ALG8: variants seen among roughly 807,000 people sequenced by gnomAD.
ALG8 encodes the protein dolichyl pyrophosphate Glc1Man9GlcNAc2 alpha-1,3-glucosyltransferase.
ALG8 carries 48 observed loss-of-function variants against 70.2 expected under a neutral mutation model. That is an observed-to-expected ratio of 0.68 (90% CI 0.54 to 0.87). ALG8 has a LOEUF of 0.87. Among genes scored for constraint, ALG8 ranks in the 40% least tolerant of loss-of-function variants. ALG8 has a pLI of 0.00. For missense variants in ALG8, 572 were observed against 608.7 expected (o/e 0.94, Z 0.64); for synonymous variants, 234 against 229.0 (o/e 1.02, Z -0.20).
chr11:78,129,518 G>A (rs977530164), intron 1 of ALG8, among the ~76,000 whole-genome samples: 1 of 152,146 alleles, frequency 6.6e-6, no homozygotes, highest in African/African-American at 2.4e-5. Context: ...AAATTGTGGT[G>A]TTTTCACACA....
intron 9 of ALG8, among the ~76,000 whole-genome samples, chr11:78,108,122 CAAA>C (rs1402294874): frequency 6.6e-6 from 1 of 151,438 alleles, no homozygotes; most frequent in Non-Finnish European, 1.5e-5. Flanking sequence ...TACTAAAATA[CAAA>C]AAAAATTAGC....
At position 78,138,211 on chromosome 11, in the gene ALG8, C is replaced by T. The variant is rs1861628199; in HGVS notation, c.95+1283G>A. 2.0e-5 allele frequency among the ~76,000 whole-genome samples: 3 copies of T among 151,780 alleles called. No homozygotes were observed. In the South Asian group the frequency reaches 6.2e-4, roughly 32 times the overall value. On this transcript the variant is annotated intron_variant, in intron 1 of 12. Coordinates refer to ENST00000299626, the MANE Select transcript of ALG8 (RefSeq NM_024079.5). ...TAAAAATACAAAAATTAGCCTGGCG[C>T]GGTGGTGCAAGCCTGTAATCCCAGC...
At chr11:78,126,450 T>G (rs1052598821) in intron 2 of ALG8, among the ~76,000 whole-genome samples, 1 of 149,518 alleles carries the variant, frequency 6.7e-6, no homozygotes, top group Non-Finnish European at 1.5e-5. Flanking sequence ...GAGAATCGCT[T>G]GAACCCGGGA....
At chr11:78,136,374 A>T (rs759538035) in intron 1 of ALG8, among the ~76,000 whole-genome samples, 100 of 151,730 alleles carry the variant, frequency 6.6e-4, no homozygotes, top group South Asian at 1.9e-3. Context: ...TAATAGAGAG[A>T]GAAAGGAAAA....
chr11:78,117,009 T>C (rs543956540), intron 5 of ALG8, among the ~76,000 whole-genome samples: 94 of 152,320 alleles, frequency 6.2e-4, no homozygotes, highest in Non-Finnish European at 1.2e-3. Flanking sequence ...CAACAAATAT[T>C]CATTGAACAC....
At chr11:78,114,508 G>A in intron 5 of ALG8, 116 bp from the exon 6 acceptor site, 1 of 1,259,686 alleles carries the variant, frequency 7.9e-7, no homozygotes, top group East Asian at 2.5e-5. Context: ...AAAAACGGGT[G>A]AAATTCAAAT....
intron 1 of ALG8, among the ~76,000 whole-genome samples, chr11:78,131,872 G>C (rs1319470652): frequency 6.6e-6 from 1 of 152,160 alleles, no homozygotes; most frequent in Non-Finnish European, 1.5e-5. Context: ...CATTAATCTA[G>C]CTTTCACATT....
chr11:78,115,770 T>G (rs1268938728), intron 5 of ALG8, among the ~76,000 whole-genome samples: 1 of 152,202 alleles, frequency 6.6e-6, no homozygotes, highest in African/African-American at 2.4e-5. Context: ...TATGCTGAGA[T>G]CATATCCTAC....
At position 78,112,706 on chromosome 11, in the gene ALG8, C is replaced by A. The variant is rs1383687484; in HGVS notation, c.842G>T (p.Trp281Leu). The A allele has an allele frequency of 6.2e-7, 1 of 1,614,002 alleles. No homozygotes were observed. The highest frequency in any genetic ancestry group is 8.5e-7 in the Non-Finnish European group (1 of 1,179,964). Residue 281 changes from tryptophan to leucine, a missense_variant, in exon 8 of 13, where the codon TGG becomes TTG. Physicochemically the swap from Trp to Leu is moderately conservative, Grantham distance 61. Transcript: ENST00000299626. ...PFKRGLCHAY[W>L]APNFWALYNA... ...GTACAAAGCCCAGAAGTTTGGAGCC[C>A]AATATGCATGACAGAGGCCCCTCTT...
chr11:78,128,384 C>A (rs1783513), intron 1 of ALG8, among the ~76,000 whole-genome samples: 33,153 of 152,086 alleles, frequency 0.22, 4,467 homozygotes, highest in African/African-American at 0.38. Flanking sequence ...CCCAATTTAC[C>A]CTTTCCAACA....
chr11:78,107,964 G>A (rs1406260905), intron 9 of ALG8, among the ~76,000 whole-genome samples: 2 of 151,674 alleles, frequency 1.3e-5, no homozygotes, highest in Non-Finnish European at 1.5e-5. Flanking sequence ...GGCCAAGATG[G>A]TGAAACCCTG....
chr11:78,127,158 T>C (rs113307477), intron 2 of ALG8, among the ~76,000 whole-genome samples, 200 bp downstream of exon 2: 3 of 152,054 alleles, frequency 2.0e-5, no homozygotes, highest in Admixed American at 1.3e-4. Context: ...TTTGTATTTT[T>C]AGTAGAGACA....
chr11:78,123,948 G>GT, intron 3 of ALG8, 73 bp downstream of exon 3: 5 of 1,514,464 alleles, frequency 3.3e-6, no homozygotes, highest in Non-Finnish European at 4.6e-6. Flanking sequence ...TAAATTGGGA[G>GT]TAAGTTAATA....
chr11:78,133,239 T>G (rs1305858098), intron 1 of ALG8, among the ~76,000 whole-genome samples: 1 of 152,192 alleles, frequency 6.6e-6, no homozygotes, highest in Admixed American at 6.5e-5. Flanking sequence ...TTCACAGGGC[T>G]AGGGATCATA....
intron 3 of ALG8, 148 bp downstream of exon 3, chr11:78,123,873 A>C: frequency 1.2e-6 from 1 of 865,326 alleles, no homozygotes; most frequent in Non-Finnish European, 1.8e-6. Flanking sequence ...TTAAACATGT[A>C]GTTTAAAGCA....
At position 78,139,580 on chromosome 11, in the gene ALG8, C is replaced by G. The variant is rs1436850327; in HGVS notation, c.9G>C (p.Ala3=). ...TGCCAGTACCCGTGGCAATTGTGAG[C>G]GCCGCCATTGCTGCGGCACCGCACG... MA[A]LTIATGTGNW... is the part of the protein sequence containing the mutation. Residue 3 remains alanine, a synonymous_variant, in exon 1 of 13, where the codon GCG becomes GCC. Coordinates refer to ENST00000299626, the MANE Select transcript of ALG8 (RefSeq NM_024079.5). The G allele has an allele frequency of 1.3e-6, 2 of 1,555,866 alleles. No individual in the cohort carries two copies. Among genetic ancestry groups the G allele is most frequent in the African/African-American group, 1.4e-5 (1 of 73,396 alleles).
intron 2 of ALG8, among the ~76,000 whole-genome samples, chr11:78,126,683 C>T (rs1465666631): frequency 1.3e-5 from 2 of 152,114 alleles, no homozygotes; most frequent in Non-Finnish European, 2.9e-5. Flanking sequence ...TAGGAACAGA[C>T]AGGATCTTAG....
chr11:78,117,915 C>G (rs184487471), intron 5 of ALG8, among the ~76,000 whole-genome samples: 24 of 150,954 alleles, frequency 1.6e-4, no homozygotes, highest in African/African-American at 4.9e-4. Flanking sequence ...ACTAAAAATA[C>G]AAAAAATTAG....
intron 9 of ALG8, 49 bp downstream of exon 9, chr11:78,109,393 G>A (rs1860181327): frequency 6.2e-7 from 1 of 1,612,428 alleles, no homozygotes; most frequent in Non-Finnish European, 8.5e-7. Flanking sequence ...CCAGACAAAA[G>A]AAAAGCAGAG....
Sources: gnomAD v4.1 joint callset for allele counts (sites outside exome capture counted in the v4.1 genomes callset) on GRCh38, gnomAD v4.1.1 for gene constraint, MANE v1.5 for transcripts, NCBI Gene and HGNC (gene_info 2026-07-23, HGNC 2026-07-21) for gene names.